The following LMO7 variants were observed in gnomAD, a reference collection of about 807,000 sequenced individuals.
The protein encoded by LMO7 is LIM domain only protein 7.
LMO7 carries 120 observed loss-of-function variants against 206.5 expected under a neutral mutation model. That is an observed-to-expected ratio of 0.58 (90% confidence interval 0.50 to 0.68). LMO7 has a LOEUF of 0.68. Among genes scored for constraint, LMO7 ranks in the 30% least tolerant of loss-of-function variants. LMO7 has a pLI of 0.00. For missense variants in LMO7, 1,959 were observed against 1,957.9 expected (o/e 1.00, Z -0.01); for synonymous variants, 706 against 681.5 (o/e 1.04, Z -0.56).
At chr13:75,676,064 A>G (rs1189746037) in intron 1 of LMO7, among the ~76,000 whole-genome samples, 6 of 152,190 alleles carry the variant, frequency 3.9e-5, no homozygotes, top group African/African-American at 9.7e-5. Flanking sequence ...AGGATGTTAG[A>G]TGTAGTCACA....
intron 2 of LMO7, 70 bp from the exon 3 acceptor site, chr13:75,726,959 T>C: frequency 1.2e-6 from 1 of 859,308 alleles, no homozygotes; most frequent in East Asian, 2.5e-5. Flanking sequence ...TATATGTGAT[T>C]TTTGAGAATG....
chr13:75,762,885 G>A (rs1389410938), intron 4 of LMO7, among the ~76,000 whole-genome samples: 1 of 152,140 alleles, frequency 6.6e-6, no homozygotes, highest in East Asian at 1.9e-4. Context: ...AAGCACTGGA[G>A]CCTCCCAGAT....
At chr13:75,703,588 A>G (rs1037860291) in intron 1 of LMO7, among the ~76,000 whole-genome samples, 7 of 152,214 alleles carry the variant, frequency 4.6e-5, no homozygotes, top group African/African-American at 9.6e-5. Context: ...CAGACAGTGT[A>G]AGTGAGTGTT....
At chr13:75,677,023 G>A (rs991775715) in intron 1 of LMO7, among the ~76,000 whole-genome samples, 1 of 152,096 alleles carries the variant, frequency 6.6e-6, no homozygotes, top group African/African-American at 2.4e-5. Flanking sequence ...TTTAAAAAAA[G>A]GCTTTTAAGA....
At chr13:75,751,491 G>A (rs1472273178) in intron 3 of LMO7, among the ~76,000 whole-genome samples, 3 of 152,074 alleles carry the variant, frequency 2.0e-5, no homozygotes, top group African/African-American at 7.2e-5. Context: ...CTTGTTTAAA[G>A]TAGGCAAGAA....
intron 1 of LMO7, among the ~76,000 whole-genome samples, chr13:75,638,586 A>G (rs754798832): frequency 6.6e-6 from 1 of 151,960 alleles, no homozygotes; most frequent in Non-Finnish European, 1.5e-5. Flanking sequence ...TTTTCATCCC[A>G]CTTGGAACAA....
intron 1 of LMO7, among the ~76,000 whole-genome samples, chr13:75,661,232 A>G (rs1282684000): frequency 6.6e-6 from 1 of 152,208 alleles, no homozygotes; most frequent in African/African-American, 2.4e-5. Flanking sequence ...TGTGTTTTCC[A>G]TCGTACTGTG....
At chr13:75,838,354 A>T in intron 20 of LMO7, 158 bp downstream of exon 20, 1 of 1,489,190 alleles carries the variant, frequency 6.7e-7, no homozygotes, top group Non-Finnish European at 9.0e-7. Context: ...TAGGGTCATC[A>T]GGCTTTTCTT....
In LMO7 at chr13:75,858,588, AC is replaced by A. The variant is rs1010989976; in HGVS notation, c.*647del. On this transcript the variant is annotated 3_prime_UTR_variant, in exon 31 of 31. Coordinates refer to ENST00000377534, the MANE Select transcript of LMO7 (RefSeq NM_001306080.2). The stretch of plus-strand genomic sequence containing the variant: ...TGCTTATTTTCATTAATGAAAAATA[AC>A]CATGGTTTGTATACTAGAAGTCTTC... 6.6e-6 allele frequency: 1 copy of A among 152,654 alleles called. No individual in the cohort carries two copies. Among genetic ancestry groups the A allele is most frequent in the Non-Finnish European group, 1.5e-5 (1 of 68,032 alleles). The allele number at this position is 152,654 out of a possible 1,614,324, so 9.5% of individuals were successfully genotyped here.
chr13:75,840,352 T>TG, intron 21 of LMO7, 39 bp from the exon 22 acceptor site: 1 of 1,609,766 alleles, frequency 6.2e-7, no homozygotes, highest in Non-Finnish European at 8.5e-7. Flanking sequence ...TGAAGTTATG[T>TG]TGTTCTCTAT....
intron 2 of LMO7, among the ~76,000 whole-genome samples, chr13:75,724,518 A>G (rs910381859): frequency 5.9e-5 from 9 of 152,188 alleles, no homozygotes; most frequent in African/African-American, 2.2e-4. Flanking sequence ...TAGGAATTCC[A>G]TATGTGTGAT....
Position 75,800,799 on chromosome 13 carries a change from A to T in LMO7, c.578A>T (p.Asp193Val), listed in dbSNP as rs760707933. The change falls in exon 7 of 31, where the codon GAT becomes GTT. Residue 193 changes from aspartate (D) to valine (V), a missense_variant. By Grantham distance (152) the Asp-to-Val change is radical. Transcript: ENST00000377534. ...CCTCCAAGGCACCATAAGAGAGAAG[A>T]TTCCTTTGAAAGCTTGGACTCTTTG... ...LAPPRHHKRE[D>V]SFESLDSLGS... is the part of the protein sequence containing the mutation. The T allele has an allele frequency of 6.2e-7, 1 of 1,614,142 alleles. No homozygotes were observed. Among genetic ancestry groups the T allele is most frequent in the Non-Finnish European group, 8.5e-7 (1 of 1,180,004 alleles).
In LMO7 at chr13:75,697,910, C is replaced by T. The variant is rs143178136; in HGVS notation, c.70-15272C>T. On this transcript the variant is annotated intron_variant, in intron 1 of 30. Coordinates refer to ENST00000377534, the MANE Select transcript of LMO7 (RefSeq NM_001306080.2). ...AGAAAGAATCTAGGAAAAACTGTTT[C>T]TGCAAGTTGTTTGAGGAAAGCTGAT... Among the ~76,000 whole-genome samples, 576 of 152,294 alleles carry T rather than the reference C, an allele frequency of 3.8e-3. 1 individual carries two copies. Among genetic ancestry groups the T allele is most frequent in the Non-Finnish European group, 6.2e-3 (424 of 68,022 alleles).
chr13:75,822,782 A>G (rs2057715037), intron 14 of LMO7, among the ~76,000 whole-genome samples: 1 of 120,750 alleles, frequency 8.3e-6, no homozygotes, highest in African/African-American at 2.8e-5. Flanking sequence ...ATATATATAT[A>G]TATATATATA....
At chr13:75,676,948 G>A (rs561755566) in intron 1 of LMO7, among the ~76,000 whole-genome samples, 7 of 152,216 alleles carry the variant, frequency 4.6e-5, no homozygotes, top group African/African-American at 1.7e-4. Context: ...TAATATAAAA[G>A]CTATGAAGTT....
intron 3 of LMO7, among the ~76,000 whole-genome samples, chr13:75,737,637 C>T (rs1165912884): frequency 1.4e-5 from 2 of 144,746 alleles, no homozygotes; most frequent in Admixed American, 6.8e-5. Flanking sequence ...CCTGTAGTCC[C>T]AGCTACTCGG....
chr13:75,856,868 T>C (rs2139792455), intron 30 of LMO7: 1 of 323,902 alleles, frequency 3.1e-6, no homozygotes, highest in Non-Finnish European at 5.8e-6. Context: ...TGTCTTGTGT[T>C]ATCTGCCCAG....
chr13:75,760,865 T>C, intron 3 of LMO7, 67 bp from the exon 4 acceptor site: 1 of 1,595,712 alleles, frequency 6.3e-7, no homozygotes, highest in Non-Finnish European at 8.5e-7. Context: ...AGTTATATCA[T>C]AAAAATTTGT....
At chr13:75,705,762 A>C (rs957708683) in intron 1 of LMO7, among the ~76,000 whole-genome samples, 1 of 151,878 alleles carries the variant, frequency 6.6e-6, no homozygotes, top group Non-Finnish European at 1.5e-5. Flanking sequence ...AATTCTCAAC[A>C]TAAGAATGAG....
Sources: gnomAD v4.1 joint callset for allele counts (sites outside exome capture counted in the v4.1 genomes callset) on GRCh38, gnomAD v4.1.1 for gene constraint, MANE v1.5 for transcripts, NCBI Gene and HGNC (gene_info 2026-07-23, HGNC 2026-07-21) for gene names.